The following SAMD12 variants were observed in gnomAD, a reference collection of about 807,000 sequenced individuals.
SAMD12 encodes the protein sterile alpha motif domain containing 12.
Under a neutral mutation model 15.0 loss-of-function variants are expected in SAMD12, and 9 were observed. The observed-to-expected ratio is 0.60, with a 90% confidence interval of 0.36 to 1.05. SAMD12 has a LOEUF of 1.05. Ranked by LOEUF, SAMD12 falls within the 50% of genes least tolerant of loss-of-function variation. The pLI is 0.01. For missense variants in SAMD12, 230 were observed against 234.2 expected, an observed-to-expected ratio of 0.98 and a Z score of 0.12; for synonymous variants, 86 against 90.1, an observed-to-expected ratio of 0.96 and a Z score of 0.25.
intron 2 of SAMD12, among the ~76,000 whole-genome samples, chr8:118,491,290 T>A (rs1256228129): frequency 6.6e-6 from 1 of 152,166 alleles, no homozygotes; most frequent in Non-Finnish European, 1.5e-5. Flanking sequence ...ATGCCACCTC[T>A]CTCAGGAGAT....
intron 2 of SAMD12, among the ~76,000 whole-genome samples, chr8:118,577,033 TTCTC>T (rs1259559703): frequency 1.3e-5 from 2 of 152,220 alleles, no homozygotes; most frequent in East Asian, 1.9e-4. Flanking sequence ...GGCATGCATA[TTCTC>T]TCTGAGTTTC....
intron 3 of SAMD12, among the ~76,000 whole-genome samples, chr8:118,383,216 C>A (rs1453355158): frequency 1.3e-5 from 2 of 152,108 alleles, no homozygotes; most frequent in East Asian, 3.9e-4. Flanking sequence ...TTGACACTCC[C>A]CCTGGGTACA....
In SAMD12 at chr8:118,439,954, G is replaced by A. The variant is rs757006538; in HGVS notation, c.200C>T (p.Thr67Met). 23 of 1,613,340 alleles carry A rather than the reference G, an allele frequency of 1.4e-5. No homozygotes were observed. The highest frequency in any genetic ancestry group is 3.3e-5 in the Admixed American group (2 of 59,942). ...AGCCACCGGTTTAGATAGCTTCACC[G>A]TAGCTGACTATAAATAAAGAAGGAA... is the stretch of plus-strand genomic sequence containing the variant. ...QAEAETAKSA[T>M]VKLSKPVALW... Residue 67 changes from threonine (T) to methionine (M), a missense_variant, in exon 3 of 4, where the codon ACG (threonine) becomes ATG (methionine). By Grantham distance (81) the Thr-to-Met change is moderately conservative. Coordinates refer to ENST00000314727, the MANE Select transcript of SAMD12 (RefSeq NM_207506.3).
chr8:118,311,715 C>T (rs1357931237), intron 4 of SAMD12, among the ~76,000 whole-genome samples: 13 of 152,144 alleles, frequency 8.5e-5, no homozygotes, highest in South Asian at 2.1e-4. Context: ...TTTCTTCTTC[C>T]GTCTCTGCAG....
At chr8:118,488,157 C>T (rs913130025) in intron 2 of SAMD12, among the ~76,000 whole-genome samples, 5 of 151,978 alleles carry the variant, frequency 3.3e-5, no homozygotes, top group South Asian at 4.2e-4. Context: ...ACCCCAAACA[C>T]GTTTTGTTCT....
intron 2 of SAMD12, among the ~76,000 whole-genome samples, chr8:118,543,627 CTTTCTT>C (rs906538313): frequency 7.7e-5 from 9 of 116,916 alleles, no homozygotes; most frequent in African/African-American, 4.2e-4. Context: ...TTCTTTCTTT[CTTTCTT>C]TTTTTTTTTT....
chr8:118,621,655 G>C, intron 1 of SAMD12, 149 bp downstream of exon 1: 1 of 838,362 alleles, frequency 1.2e-6, no homozygotes, highest in South Asian at 1.5e-5. Context: ...TGGCGGCGCA[G>C]GTGAGTGCCA....
chr8:118,550,494 C>A (rs1005809477), intron 2 of SAMD12, among the ~76,000 whole-genome samples: 4 of 152,044 alleles, frequency 2.6e-5, no homozygotes, highest in Non-Finnish European at 5.9e-5. Context: ...ATTTTGTCAC[C>A]AGCAGGCCTG....
Position 118,580,797 on chromosome 8 carries a change from G to A in SAMD12, c.110C>T (p.Ser37Phe). The A allele has an allele frequency of 6.2e-7, 1 of 1,612,758 alleles. No homozygotes were observed. Among genetic ancestry groups the A allele is most frequent in the Middle Eastern group, 1.7e-4 (1 of 6,060 alleles). ...CTTCTGGAAATTTTTATTTTTAATGGATTGAGATTCCACACCTTCACCTTC... is the reference window on the plus strand; with the variant it reads ...CTTCTGGAAATTTTTATTTTTAATGAATTGAGATTCCACACCTTCACCTTC... ...QIEGEGVESQ[S>F]IKNKNFQKVP... Residue 37 changes from serine to phenylalanine, a missense_variant, in exon 2 of 4, where the codon TCC becomes TTC. Physicochemically the swap from Ser to Phe is radical, Grantham distance 155. Coordinates refer to ENST00000314727, the MANE Select transcript of SAMD12 (RefSeq NM_207506.3).
chr8:118,526,334 C>T (rs1261560858), intron 2 of SAMD12, among the ~76,000 whole-genome samples: 1 of 152,080 alleles, frequency 6.6e-6, no homozygotes, highest in East Asian at 1.9e-4. Context: ...TAAGAGGTCT[C>T]TAAAGAGTCA....
At chr8:118,295,047 T>C (rs1814634216) in intron 4 of SAMD12, among the ~76,000 whole-genome samples, 2 of 152,292 alleles carry the variant, frequency 1.3e-5, no homozygotes, top group South Asian at 4.1e-4. Flanking sequence ...ACTTCTTTTT[T>C]TTTTACGTGA....
intron 3 of SAMD12, among the ~76,000 whole-genome samples, chr8:118,428,068 T>C (rs1017158416): frequency 6.6e-6 from 1 of 152,250 alleles, no homozygotes; most frequent in African/African-American, 2.4e-5. Context: ...TGGCCATTCT[T>C]GTATTTTCTT....
At chr8:118,534,032 T>TA (rs1174104537) in intron 2 of SAMD12, among the ~76,000 whole-genome samples, 2 of 152,222 alleles carry the variant, frequency 1.3e-5, no homozygotes, top group Non-Finnish European at 2.9e-5. Flanking sequence ...AGTTTCTTCC[T>TA]AGCTTCGATG....
intron 1 of SAMD12, among the ~76,000 whole-genome samples, chr8:118,619,788 T>C (rs1828345051): frequency 6.6e-6 from 1 of 151,830 alleles, no homozygotes; most frequent in African/African-American, 2.4e-5. Context: ...GAAAGAGTGC[T>C]GAGAAGGCAG....
chr8:118,483,979 A>C (rs1400505638), intron 2 of SAMD12, among the ~76,000 whole-genome samples: 1 of 152,228 alleles, frequency 6.6e-6, no homozygotes, highest in Non-Finnish European at 1.5e-5. Context: ...ACAAGAAACT[A>C]AACTGAGAAA....
chr8:118,513,009 A>AT (rs11294934), intron 2 of SAMD12, among the ~76,000 whole-genome samples: 23 of 150,488 alleles, frequency 1.5e-4, no homozygotes, highest in Non-Finnish European at 2.8e-4. Flanking sequence ...GAATACTTAT[A>AT]TTTTTTTTTT....
the SAMD12 span, among the ~76,000 whole-genome samples, chr8:118,182,680 G>A: frequency 6.6e-6 from 1 of 152,102 alleles, no homozygotes; most frequent in Non-Finnish European, 1.5e-5. Flanking sequence ...AGGGCACTGG[G>A]TATTTACTTG....
chr8:118,438,049 T>C (rs1196187882), intron 3 of SAMD12, among the ~76,000 whole-genome samples: 1 of 152,212 alleles, frequency 6.6e-6, no homozygotes, highest in African/African-American at 2.4e-5. Flanking sequence ...GGTTACTAAC[T>C]GATTGATTAC....
intron 1 of SAMD12, chr8:118,621,391 G>C: frequency 3.8e-6 from 1 of 266,590 alleles, no homozygotes. Context: ...CCTGGGCTGG[G>C]GACCTCTCCC....
Sources: allele counts gnomAD v4.1 joint callset (sites outside exome capture counted in the v4.1 genomes callset), GRCh38; gene constraint gnomAD v4.1.1; transcripts MANE v1.5; gene names NCBI Gene and HGNC (gene_info 2026-07-23, HGNC 2026-07-21).